The following ZBTB20 variants were observed in gnomAD, a reference collection of about 807,000 sequenced individuals.
The protein encoded by ZBTB20 is zinc finger and BTB domain containing 20.
Under a neutral mutation model 56.9 loss-of-function variants are expected in ZBTB20, and 9 were observed. The observed-to-expected ratio is 0.16, with a 90% CI of 0.10 to 0.28. ZBTB20 has a LOEUF of 0.28. ZBTB20 is among the 10% of genes least tolerant of loss of function. The probability of loss-of-function intolerance (pLI) is 1.00; values close to 1 mark genes in which losing one functional copy is unlikely to be tolerated. For synonymous variants in ZBTB20, 417 were observed against 420.7 expected, an observed-to-expected ratio of 0.99 and a Z score of 0.11; for missense variants, 655 against 1,003.0, an observed-to-expected ratio of 0.65 and a Z score of 4.69.
At chr3:114,609,520 T>C (rs1159640758) in intron 6 of ZBTB20, among the ~76,000 whole-genome samples, 2 of 152,182 alleles carry the variant, frequency 1.3e-5, no homozygotes, top group African/African-American at 4.8e-5. Context: ...ATTAGTATGG[T>C]TTCACTTTGG....
rs891588464 is a variant in ZBTB20, at chr3:114,556,181, T to C, written c.-294-55790A>G. Among the ~76,000 whole-genome samples, 3 of 152,112 alleles carry C rather than the reference T, an allele frequency of 2.0e-5. No individual in the cohort carries two copies. In the East Asian group the frequency reaches 5.8e-4, roughly 29 times the overall value. On this transcript the variant is annotated intron_variant, in intron 6 of 11. Coordinates refer to ENST00000675478, the MANE Select transcript of ZBTB20 (RefSeq NM_001348800.3). Reference sequence around the variant, plus strand: ...TGGATCTGGATCTGTTCATATATTGTTTCTACAAAGCAGAACAAAGGTGAA... The same window carrying C: ...TGGATCTGGATCTGTTCATATATTGCTTCTACAAAGCAGAACAAAGGTGAA...
chr3:115,144,070 T>C (rs2084897013), intron 1 of ZBTB20, among the ~76,000 whole-genome samples: 1 of 152,246 alleles, frequency 6.6e-6, no homozygotes, highest in African/African-American at 2.4e-5. Flanking sequence ...AACAATATGA[T>C]AAATTTAACC....
intron 7 of ZBTB20, among the ~76,000 whole-genome samples, chr3:114,436,480 A>G (rs1002967754): frequency 8.5e-5 from 13 of 152,186 alleles, no homozygotes; most frequent in African/African-American, 1.7e-4. Flanking sequence ...AATTTGCAAA[A>G]TGCCCAGAGT....
intron 5 of ZBTB20, among the ~76,000 whole-genome samples, chr3:114,722,430 G>GA (rs995602334): frequency 4.6e-5 from 7 of 151,572 alleles, no homozygotes; most frequent in East Asian, 1.9e-4. Flanking sequence ...GAAGACCTAA[G>GA]AAAAAAAATC....
chr3:114,895,878 A>G (rs759232030), intron 4 of ZBTB20, among the ~76,000 whole-genome samples: 9 of 152,084 alleles, frequency 5.9e-5, no homozygotes, highest in Non-Finnish European at 1.2e-4. Context: ...AGCTCTGCCA[A>G]CCTCGATGAG....
At chr3:114,811,147 A>G (rs945109250) in intron 4 of ZBTB20, among the ~76,000 whole-genome samples, 1 of 152,236 alleles carries the variant, frequency 6.6e-6, no homozygotes, top group Non-Finnish European at 1.5e-5. Flanking sequence ...ATCTTATACA[A>G]AACAATAATA....
chr3:114,834,859 T>C (rs185533477), intron 4 of ZBTB20, among the ~76,000 whole-genome samples: 2 of 152,298 alleles, frequency 1.3e-5, no homozygotes, highest in African/African-American at 2.4e-5. Context: ...TCTTTGGTAT[T>C]AAAATATGTT....
intron 1 of ZBTB20, among the ~76,000 whole-genome samples, chr3:115,089,152 A>C (rs2083095540): frequency 6.6e-6 from 1 of 151,772 alleles, no homozygotes; most frequent in South Asian, 2.1e-4. Context: ...CCTGATTCTG[A>C]ATAACTGCAA....
At chr3:114,537,708 T>A (rs941978874) in intron 6 of ZBTB20, among the ~76,000 whole-genome samples, 9 of 152,166 alleles carry the variant, frequency 5.9e-5, no homozygotes, top group Admixed American at 2.6e-4. Flanking sequence ...GCAGCACTAT[T>A]CACAGTGGTA....
intron 4 of ZBTB20, among the ~76,000 whole-genome samples, chr3:114,885,654 T>C (rs528463865): frequency 6.6e-6 from 1 of 152,302 alleles, no homozygotes; most frequent in South Asian, 2.1e-4. Flanking sequence ...AATCCCAGTT[T>C]GGTATTATCA....
intron 4 of ZBTB20, among the ~76,000 whole-genome samples, chr3:114,846,283 C>T (rs943581997): frequency 1.3e-5 from 2 of 152,204 alleles, no homozygotes; most frequent in African/African-American, 4.8e-5. Context: ...AGAGAGCTTG[C>T]TCCTCAGGCC....
intron 4 of ZBTB20, among the ~76,000 whole-genome samples, chr3:114,809,967 GT>G (rs1560276055): frequency 6.6e-6 from 1 of 152,012 alleles, no homozygotes; most frequent in Admixed American, 6.6e-5. Context: ...TTCCATTTTC[GT>G]TTTTGAGCTG....
intron 1 of ZBTB20, among the ~76,000 whole-genome samples, chr3:115,142,900 C>G (rs527556963): frequency 6.6e-6 from 1 of 151,926 alleles, no homozygotes; most frequent in African/African-American, 2.4e-5. Flanking sequence ...AAACCCTCCA[C>G]GGCACAGGAT....
chr3:114,741,494 A>G (rs928158592), intron 5 of ZBTB20, among the ~76,000 whole-genome samples: 1 of 152,224 alleles, frequency 6.6e-6, no homozygotes, highest in Non-Finnish European at 1.5e-5. Context: ...CCTATTAAAC[A>G]CTGGTGGAGA....
At chr3:114,757,078 C>G (rs115481796) in intron 5 of ZBTB20, among the ~76,000 whole-genome samples, 3 of 152,074 alleles carry the variant, frequency 2.0e-5, no homozygotes, top group African/African-American at 7.2e-5. Flanking sequence ...GTCTGGCCTC[C>G]GCATGTCTCT....
chr3:114,941,397 G>A (rs535658442), intron 3 of ZBTB20, among the ~76,000 whole-genome samples: 1 of 146,344 alleles, frequency 6.8e-6, no homozygotes, highest in East Asian at 1.9e-4. Context: ...TCCTACTTCA[G>A]GTTTTTAAAA....
At chr3:114,564,122 T>A (rs1432939540) in intron 6 of ZBTB20, among the ~76,000 whole-genome samples, 1 of 149,978 alleles carries the variant, frequency 6.7e-6, no homozygotes, top group Admixed American at 6.6e-5. Context: ...CATCTTTCAA[T>A]CTCTCTCTCT....
At chr3:114,454,562 T>C (rs1213023123) in intron 7 of ZBTB20, 1 of 150,818 alleles carries the variant, frequency 6.6e-6, no homozygotes, top group African/African-American at 2.4e-5. Context: ...TGATAAGGGG[T>C]AGCGAACATC....
chr3:114,876,120 TG>T (rs997658254), intron 4 of ZBTB20, among the ~76,000 whole-genome samples: 3 of 145,012 alleles, frequency 2.1e-5, no homozygotes, highest in African/African-American at 8.3e-5. Flanking sequence ...ACCTGTAGTT[TG>T]TTTTTTTTTT....
Sources: gnomAD v4.1 joint callset for allele counts (sites outside exome capture counted in the v4.1 genomes callset) on GRCh38, gnomAD v4.1.1 for gene constraint, MANE v1.5 for transcripts, NCBI Gene and HGNC (gene_info 2026-07-23, HGNC 2026-07-21) for gene names.